FBP1: variants seen among roughly 807,000 people sequenced by gnomAD.
The protein encoded by FBP1 is fructose-1,6-bisphosphatase 1.
Under a neutral mutation model 29.9 loss-of-function variants are expected in FBP1, and 22 were observed. The ratio of observed to expected loss-of-function variants is 0.74; its 90% confidence interval spans 0.53 to 1.05. FBP1 has a LOEUF of 1.05. FBP1 is among the 50% of genes least tolerant of loss of function. The probability of loss-of-function intolerance (pLI) is 0.00; values close to 1 mark genes in which losing one functional copy is unlikely to be tolerated. For missense variants in FBP1, 345 were observed against 448.2 expected, an observed-to-expected ratio of 0.77 and a Z score of 2.08; for synonymous variants, 175 against 178.6, an observed-to-expected ratio of 0.98 and a Z score of 0.16.
chr9:94,639,306 G>T lies in FBP1; in HGVS notation c.5C>A (p.Ala2Asp), dbSNP rs775512212. The T allele has an allele frequency of 2.5e-6, 4 of 1,606,830 alleles. No homozygotes were observed. The highest frequency in any genetic ancestry group is 3.4e-6 in the Non-Finnish European group (4 of 1,176,876). The change falls in exon 1 of 7, where the codon GCT becomes GAT. Residue 2 changes from alanine (A) to aspartate (D), a missense_variant. Ala to Asp is a moderately radical substitution (Grantham distance 126, BLOSUM62 -2). Coordinates refer to ENST00000375326, the MANE Select transcript of FBP1 (RefSeq NM_000507.4). The part of the protein sequence containing the change: M[A>D]DQAPFDTDVN... ...GTCCGTGTCGAAGGGCGCCTGGTCA[G>T]CCATGCTTGAACCGGGTAGAGCGCG...
chr9:94,614,248 G>A (rs933938889), intron 3 of FBP1, among the ~76,000 whole-genome samples: 2 of 148,472 alleles, frequency 1.3e-5, no homozygotes, highest in South Asian at 2.2e-4. Flanking sequence ...AGAAAGAATA[G>A]TAGTAGTCGT....
intron 3 of FBP1, among the ~76,000 whole-genome samples, chr9:94,613,906 C>T (rs1192539071): frequency 6.6e-5 from 10 of 150,422 alleles, no homozygotes; most frequent in African/African-American, 2.2e-4. Flanking sequence ...GGTGAAACCC[C>T]GTCTCTACTA....
At chr9:94,607,718 C>G (rs746182607) in intron 4 of FBP1, among the ~76,000 whole-genome samples, 2 of 151,950 alleles carry the variant, frequency 1.3e-5, no homozygotes, top group Non-Finnish European at 2.9e-5. Context: ...AGAGGGTGAT[C>G]GAGGCTCTGC....
chr9:94,619,874 C>CAAAAAAAAAAAAAAAAAAAAAAAAAAA (rs56722632), intron 2 of FBP1, among the ~76,000 whole-genome samples: 11 of 99,182 alleles, frequency 1.1e-4, no homozygotes, highest in African/African-American at 6.3e-4. Flanking sequence ...AACACTGTCT[C>CAAAAAAAAAAAAAAAAAAAAAAAAAAA]AAAAAAAAAA....
chr9:94,629,653 TA>T (rs995463998), intron 1 of FBP1, among the ~76,000 whole-genome samples: 13 of 151,324 alleles, frequency 8.6e-5, no homozygotes, highest in African/African-American at 3.2e-4. Context: ...CCTGGGGAGG[TA>T]GGGGGGAGGG....
intron 4 of FBP1, among the ~76,000 whole-genome samples, chr9:94,607,759 G>C (rs541633793): frequency 6.6e-6 from 1 of 152,108 alleles, no homozygotes; most frequent in East Asian, 1.9e-4. Flanking sequence ...GTTGACACAA[G>C]AGTTGAAAAG....
In FBP1 at chr9:94,603,514, A is replaced by AT; in HGVS notation, c.883dup (p.Met295AsnfsTer39). ...CACGGCCTCCTTCCCAGTGGTGGCC[A>AT]TTCCCCCAGCCTTCTCCATGACGTA... On this transcript the variant is annotated frameshift_variant, in exon 7 of 7. Transcript: ENST00000375326. LOFTEE classifies it high-confidence loss of function. The AT allele has an allele frequency of 6.2e-7, 1 of 1,614,142 alleles. No homozygotes were observed. The highest frequency in any genetic ancestry group is 8.5e-7 in the Non-Finnish European group (1 of 1,179,992).
At chr9:94,620,740 A>G (rs554769836) in intron 1 of FBP1, among the ~76,000 whole-genome samples, 6 of 152,298 alleles carry the variant, frequency 3.9e-5, no homozygotes, top group Admixed American at 6.5e-5. Flanking sequence ...AGGGAGGGGA[A>G]CATCACACAC....
At chr9:94,616,528 C>T (rs1827865601) in intron 3 of FBP1, among the ~76,000 whole-genome samples, 1 of 145,346 alleles carries the variant, frequency 6.9e-6, no homozygotes, top group Non-Finnish European at 1.5e-5. Flanking sequence ...GCAACCTCCA[C>T]CTCCCAGGTT....
At chr9:94,634,263 C>T (rs1828157435) in intron 1 of FBP1, among the ~76,000 whole-genome samples, 1 of 145,516 alleles carries the variant, frequency 6.9e-6, no homozygotes, top group East Asian at 2.1e-4. Flanking sequence ...CACTGCACTC[C>T]AGCAAGGGCA....
At chr9:94,633,251 G>T (rs1321353078) in intron 1 of FBP1, among the ~76,000 whole-genome samples, 1 of 151,952 alleles carries the variant, frequency 6.6e-6, no homozygotes, top group African/African-American at 2.4e-5. Context: ...CCCCTCCAAG[G>T]CTGCAGCTCT....
chr9:94,623,536 G>A (rs1021542208), intron 1 of FBP1, among the ~76,000 whole-genome samples: 1 of 152,234 alleles, frequency 6.6e-6, no homozygotes, highest in African/African-American at 2.4e-5. Flanking sequence ...CAGCTCGGGG[G>A]GCCGGGAGGG....
intron 3 of FBP1, among the ~76,000 whole-genome samples, chr9:94,616,733 A>T (rs555011444): frequency 1.1e-4 from 16 of 152,308 alleles, no homozygotes; most frequent in Non-Finnish European, 2.4e-4. Context: ...CATCCGGCCT[A>T]AAATATATAC....
intron 3 of FBP1, among the ~76,000 whole-genome samples, chr9:94,616,187 A>G (rs900856701): frequency 2.0e-5 from 3 of 152,048 alleles, no homozygotes; most frequent in Non-Finnish European, 4.4e-5. Flanking sequence ...AGCTGAACCA[A>G]CCTCTTCAGT....
At position 94,607,014 on chromosome 9, in the gene FBP1, A is replaced by T; in HGVS notation, c.568-62T>A. 4 of 1,609,966 alleles carry T rather than the reference A, an allele frequency of 2.5e-6. 2 individuals are homozygous for T. In the South Asian group the frequency reaches 4.4e-5, roughly 18 times the overall value. ...AGCGCACTGGGTCCCCCAGGCCTGG[A>T]TGAGGCGAGCGATGGGCTGGGCTAC... is the stretch of plus-strand genomic sequence containing the variant. On this transcript the variant is annotated intron_variant, in intron 4 of 6. Transcript: ENST00000375326.
Position 94,639,423 on chromosome 9 carries a change from G to T in FBP1, c.-113C>A. ...TGGCCGCAGGTGCGGAGCTGCAGGTGCGGGCGGCAGGTGCGGGCCGCGGGA... is the reference window on the plus strand; with the variant it reads ...TGGCCGCAGGTGCGGAGCTGCAGGTTCGGGCGGCAGGTGCGGGCCGCGGGA... On this transcript the variant is annotated 5_prime_UTR_variant, in exon 1 of 7. Coordinates refer to ENST00000375326, the MANE Select transcript of FBP1 (RefSeq NM_000507.4). 1.6e-6 allele frequency: 2 copies of T among 1,285,574 alleles called. No homozygotes were observed. Among genetic ancestry groups the T allele is most frequent in the South Asian group, 1.3e-5 (1 of 78,504 alleles). The allele number at this position is 1,285,574 out of a possible 1,614,324, so 79.6% of individuals were successfully genotyped here. A position where few individuals can be genotyped will look rare whatever the true frequency, so the allele number is the denominator to read the frequency against.
intron 3 of FBP1, among the ~76,000 whole-genome samples, chr9:94,612,701 C>T (rs1012845927): frequency 4.6e-5 from 7 of 151,890 alleles, no homozygotes; most frequent in African/African-American, 1.2e-4. Context: ...GGATTACAGG[C>T]GCCCACCACC....
chr9:94,639,702 C>T (rs1182568407), upstream of FBP1, among the ~76,000 whole-genome samples: 2 of 151,260 alleles, frequency 1.3e-5, no homozygotes, highest in East Asian at 2.0e-4. Context: ...GCCCTGCCGC[C>T]CCCTAGTCTT....
chr9:94,611,726 G>A (rs1225266011), intron 3 of FBP1, among the ~76,000 whole-genome samples: 1 of 152,174 alleles, frequency 6.6e-6, no homozygotes, highest in Non-Finnish European at 1.5e-5. Context: ...GCACATGCCT[G>A]GGTGACAGAA....
Sources: gnomAD v4.1 joint callset for allele counts (sites outside exome capture counted in the v4.1 genomes callset) on GRCh38, gnomAD v4.1.1 for gene constraint, MANE v1.5 for transcripts, NCBI Gene and HGNC (gene_info 2026-07-23, HGNC 2026-07-21) for gene names.